GRK5: variants seen among roughly 807,000 people sequenced by gnomAD.
The protein encoded by GRK5 is G protein-coupled receptor kinase 5.
A neutral mutation model predicts 78.4 loss-of-function variants in GRK5; 40 were observed. That is an observed-to-expected ratio of 0.51 (90% CI 0.40 to 0.66). The LOEUF (loss-of-function observed/expected upper bound fraction) is 0.66. GRK5 is among the 30% of genes least tolerant of loss of function. The pLI, the probability that GRK5 is intolerant of heterozygous loss-of-function variation, is 0.00. For missense variants in GRK5, 598 were observed against 759.9 expected (o/e 0.79, Z 2.50); for synonymous variants, 289 against 296.8 (o/e 0.97, Z 0.27).
intron 2 of GRK5, among the ~76,000 whole-genome samples, chr10:119,340,120 G>GTTTGT (rs56098755): frequency 0.034 from 5,137 of 151,816 alleles, 258 homozygotes; most frequent in African/African-American, 0.11. Flanking sequence ...TTGTTTGTTT[G>GTTTGT]TTTGTTTTGT....
At chr10:119,320,013 G>A (rs982473416) in intron 1 of GRK5, among the ~76,000 whole-genome samples, 7 of 152,254 alleles carry the variant, frequency 4.6e-5, no homozygotes, top group Non-Finnish European at 1.0e-4. Flanking sequence ...CCTGAGCTGG[G>A]AGAGGATGTG....
intron 1 of GRK5, among the ~76,000 whole-genome samples, chr10:119,276,632 G>T (rs932717492): frequency 6.6e-6 from 1 of 151,996 alleles, no homozygotes; most frequent in African/African-American, 2.4e-5. Flanking sequence ...GGGATGGCTG[G>T]GTCAAATGGT....
chr10:119,222,994 T>C (rs1848681019), intron 1 of GRK5, among the ~76,000 whole-genome samples: 1 of 152,186 alleles, frequency 6.6e-6, no homozygotes, highest in East Asian at 1.9e-4. Flanking sequence ...GCTGTGTGTT[T>C]CCTAGGGATA....
chr10:119,253,541 T>C lies in GRK5; in HGVS notation c.52+45572T>C, dbSNP rs1329744187. ...CCCTGGAGCTTAGGGTGCTGTGATA[T>C]GCTTGCGGGATGCTGCCCCACCACG... On this transcript the variant is annotated intron_variant, in intron 1 of 15. Coordinates refer to ENST00000392870, the MANE Select transcript of GRK5 (RefSeq NM_005308.3). The surrounding 1 kb of genome is among the most constrained non-coding windows in gnomAD (Gnocchi z 5.7). Among the ~76,000 whole-genome samples, 1 of 152,210 alleles carries C rather than the reference T, an allele frequency of 6.6e-6. No individual in the cohort carries two copies. The highest frequency in any genetic ancestry group is 1.5e-5 in the Non-Finnish European group (1 of 68,042).
intron 2 of GRK5, among the ~76,000 whole-genome samples, chr10:119,365,991 G>T (rs1370827620): frequency 2.0e-5 from 3 of 152,318 alleles, no homozygotes; most frequent in South Asian, 2.1e-4. Context: ...TCTGTGCCAG[G>T]TTCTATGCTG....
At position 119,354,890 on chromosome 10, in the gene GRK5, A is replaced by G. The variant is rs12254227; in HGVS notation, c.149-25925A>G. ...CATATACTCAGGTTCTGTAGGGCCA[A>G]CTATGGGAGTTGAGAATGCATGGAT... On this transcript the variant is annotated intron_variant, in intron 2 of 15. Transcript: ENST00000392870. 8.4e-3 allele frequency among the ~76,000 whole-genome samples: 1,283 copies of G among 152,312 alleles called. 9 individuals carry two copies. Among genetic ancestry groups the G allele is most frequent in the African/African-American group, 0.03 (1,253 of 41,554 alleles).
rs770635665 is a variant in GRK5 at position 119,436,765 on chromosome 10, G to A, written c.853G>A (p.Glu285Lys). Residue 285 changes from glutamate to lysine, a missense_variant, in exon 9 of 16, where the codon GAG (glutamate) becomes AAG (lysine). Glu to Lys is a moderately conservative substitution (Grantham distance 56). Coordinates refer to ENST00000392870, the MANE Select transcript of GRK5 (RefSeq NM_005308.3). Reference protein sequence around the residue: ...IYNMGNPGFEEERALFYAAEI... With the variant: ...IYNMGNPGFEKERALFYAAEI... ...CAACATGGGCAACCCTGGCTTCGAG[G>A]AGGAGCGGGCCTTGTTTTATGCGGC... is the stretch of plus-strand genomic sequence containing the variant. The A allele has an allele frequency of 1.9e-5, 30 of 1,614,080 alleles. No homozygotes were observed. Among genetic ancestry groups the A allele is most frequent in the African/African-American group, 5.3e-5 (4 of 74,944 alleles).
At chr10:119,416,288 T>G (rs914716401) in intron 4 of GRK5, among the ~76,000 whole-genome samples, 1 of 152,242 alleles carries the variant, frequency 6.6e-6, no homozygotes, top group Non-Finnish European at 1.5e-5. Context: ...CAGGGAGCAG[T>G]GCCGGGAGAG....
intron 1 of GRK5, among the ~76,000 whole-genome samples, chr10:119,266,898 C>T (rs1253589229): frequency 2.6e-5 from 4 of 151,892 alleles, no homozygotes; most frequent in African/African-American, 9.7e-5. Flanking sequence ...CCTCAGCCTC[C>T]TGAGTAGCTA....
intron 1 of GRK5, among the ~76,000 whole-genome samples, chr10:119,266,650 C>T (rs946568149): frequency 2.1e-5 from 3 of 141,346 alleles, no homozygotes; most frequent in Admixed American, 7.8e-5. Context: ...GAGGAGGAAG[C>T]GGGGAAGGTG....
chr10:119,244,886 C>A (rs1443415356), intron 1 of GRK5, among the ~76,000 whole-genome samples: 1 of 152,134 alleles, frequency 6.6e-6, no homozygotes, highest in Non-Finnish European at 1.5e-5. Flanking sequence ...TATAAAATAG[C>A]ATAGTCAGCT....
intron 4 of GRK5, among the ~76,000 whole-genome samples, chr10:119,421,981 A>G (rs7089245): frequency 1 from 151,851 of 152,330 alleles, 75,688 homozygotes; most frequent in Middle Eastern, 1. Context: ...GAAACCATCC[A>G]GTGGACTCTT....
chr10:119,431,371 C>T lies in GRK5; in HGVS notation c.598-16C>T. The T allele has an allele frequency of 6.2e-7, 1 of 1,607,584 alleles. No individual in the cohort carries two copies. The highest frequency in any genetic ancestry group is 8.5e-7 in the Non-Finnish European group (1 of 1,176,766). On this transcript the variant is annotated splice_polypyrimidine_tract_variant and intron_variant, in intron 7 of 15. Coordinates refer to ENST00000392870, the MANE Select transcript of GRK5 (RefSeq NM_005308.3). This position sits in a 1 kb window ranked among gnomAD's most constrained non-coding sequence, Gnocchi z 4.8. The stretch of plus-strand genomic sequence containing the variant: ...CACGGTGCTCCTGCCACCCTGGTTT[C>T]TTTCTTGCACTGCAGGTCTGTGCCT...
At chr10:119,402,577 G>A (rs1852167816) in intron 4 of GRK5, among the ~76,000 whole-genome samples, 1 of 152,206 alleles carries the variant, frequency 6.6e-6, no homozygotes, top group Non-Finnish European at 1.5e-5. Flanking sequence ...TTATGGCCGG[G>A]TGCAGTGTCT....
intron 1 of GRK5, among the ~76,000 whole-genome samples, chr10:119,300,833 C>G (rs12252114): frequency 0.022 from 3,334 of 152,260 alleles, 101 homozygotes; most frequent in African/African-American, 0.077. Flanking sequence ...TGGCTCATGC[C>G]TGTAATCCCA....
At chr10:119,453,345 G>A (rs373950660) in intron 15 of GRK5, 69 bp downstream of exon 15, 45 of 1,574,704 alleles carry the variant, frequency 2.9e-5, no homozygotes, top group African/African-American at 1.5e-4. Flanking sequence ...CATGGGAAAC[G>A]AGAAGACCCA....
In GRK5 at chr10:119,271,378, C is replaced by T. The variant is rs1274550313; in HGVS notation, c.53-55138C>T. Among the ~76,000 whole-genome samples, 4 of 152,224 alleles carry T rather than the reference C, an allele frequency of 2.6e-5. No individual in the cohort carries two copies. The highest frequency in any genetic ancestry group is 4.4e-5 in the Non-Finnish European group (3 of 68,042). ...ACCAAGTTCTCTGCATAGCCTTTTGCCTTCTATTGTTTGCTGTCCCAGAGA... is the reference window on the plus strand; with the variant it reads ...ACCAAGTTCTCTGCATAGCCTTTTGTCTTCTATTGTTTGCTGTCCCAGAGA... On this transcript the variant is annotated intron_variant, in intron 1 of 15. Coordinates refer to ENST00000392870, the MANE Select transcript of GRK5 (RefSeq NM_005308.3). This position sits in a 1 kb window ranked among gnomAD's most constrained non-coding sequence, Gnocchi z 4.1.
In GRK5 at chr10:119,417,173, A is replaced by C. The variant is rs1005571173; in HGVS notation, c.340-5993A>C. ...CTTGGGTCCCTACCTCTGTAATGCC[A>C]CTGAGGGTGGGTGTCTGAGCATCAG... On this transcript the variant is annotated intron_variant, in intron 4 of 15. Transcript: ENST00000392870. Among the ~76,000 whole-genome samples, 71 of 152,162 alleles carry C rather than the reference A, an allele frequency of 4.7e-4. 1 individual carries two copies. The highest frequency in any genetic ancestry group is 1.7e-3 in the African/African-American group (70 of 41,438).
intron 1 of GRK5, among the ~76,000 whole-genome samples, chr10:119,277,950 A>T (rs1204670477): frequency 6.6e-6 from 1 of 152,146 alleles, no homozygotes; most frequent in Non-Finnish European, 1.5e-5. Flanking sequence ...TTGAGTAGTG[A>T]CCCACTGTAT....
Sources: allele counts gnomAD v4.1 joint callset (sites outside exome capture counted in the v4.1 genomes callset), GRCh38; gene constraint gnomAD v4.1.1; non-coding constraint Gnocchi (gnomAD v3.1); transcripts MANE v1.5; gene names NCBI Gene and HGNC (gene_info 2026-07-23, HGNC 2026-07-21).